The following B4GALNT3 variants were observed in gnomAD, a reference collection of about 807,000 sequenced individuals.
B4GALNT3 encodes beta-1,4-N-acetyl-galactosaminyltransferase 3.
Under a neutral mutation model 120.2 loss-of-function variants are expected in B4GALNT3, and 86 were observed. That is an observed-to-expected ratio of 0.72 (90% CI 0.60 to 0.86). The LOEUF is 0.86. Among genes scored for constraint, B4GALNT3 ranks in the 40% least tolerant of loss-of-function variants. The pLI, the probability that B4GALNT3 is intolerant of heterozygous loss-of-function variation, is 0.00. For missense variants in B4GALNT3, 1,167 were observed against 1,298.9 expected, an observed-to-expected ratio of 0.90 and a Z score of 1.56; for synonymous variants, 518 against 510.4, an observed-to-expected ratio of 1.01 and a Z score of -0.20.
chr12:535,163 C>T lies in B4GALNT3; in HGVS notation c.170-3C>T. 6.2e-7 allele frequency: 1 copy of T among 1,609,030 alleles called. No homozygotes were observed. The highest frequency in any genetic ancestry group is 8.5e-7 in the Non-Finnish European group (1 of 1,176,494). ...TGAGGGCTCCTCTCTTCCCCTTCCA[C>T]AGGGTACGGCAGCTGGAGAGAACTG... On this transcript the variant is annotated splice_region_variant and splice_polypyrimidine_tract_variant and intron_variant, in intron 1 of 19. Coordinates refer to ENST00000266383, the MANE Select transcript of B4GALNT3 (RefSeq NM_173593.4).
chr12:539,951 C>G (rs1196233771), intron 3 of B4GALNT3, among the ~76,000 whole-genome samples: 1 of 152,198 alleles, frequency 6.6e-6, no homozygotes, highest in Non-Finnish European at 1.5e-5. Context: ...TACCTCGAAA[C>G]TCTGAACAGG....
chr12:547,887 A>G (rs1248013574), intron 7 of B4GALNT3, 137 bp from the exon 8 acceptor site: 6 of 713,728 alleles, frequency 8.4e-6, no homozygotes, highest in South Asian at 5.0e-5. Context: ...GCTCGAACCT[A>G]GGCAGTTAAC....
At chr12:514,486 C>T (rs1946632606) in intron 1 of B4GALNT3, among the ~76,000 whole-genome samples, 1 of 152,022 alleles carries the variant, frequency 6.6e-6, no homozygotes, top group Admixed American at 6.5e-5. Flanking sequence ...CATGAGCCAC[C>T]ACGCCCAGCC....
chr12:547,168 GCGTTGCTGGA>G (rs1205837348), intron 7 of B4GALNT3, among the ~76,000 whole-genome samples: 126 of 152,268 alleles, frequency 8.3e-4, no homozygotes, highest in Middle Eastern at 3.4e-3. Context: ...GCGTTGCTGG[GCGTTGCTGGA>G]CGTTGCTGGA....
chr12:558,666 G>A lies in B4GALNT3; in HGVS notation c.2761+5G>A, dbSNP rs1204202160. 16 of 1,613,442 alleles carry A rather than the reference G, an allele frequency of 9.9e-6. No individual in the cohort carries two copies. Among genetic ancestry groups the A allele is most frequent in the Non-Finnish European group, 1.0e-5 (12 of 1,179,764 alleles). ...CCACCCCCCAGTGGCCTGAGGGTGA[G>A]CCCTGCTCAGACTGGGGAGGGAGGA... On this transcript the variant is annotated splice_donor_5th_base_variant and intron_variant, in intron 18 of 19. Transcript: ENST00000266383.
intron 1 of B4GALNT3, among the ~76,000 whole-genome samples, chr12:519,632 A>C (rs1946687105): frequency 7.2e-6 from 1 of 138,014 alleles, no homozygotes; most frequent in Non-Finnish European, 1.5e-5. Flanking sequence ...GATCAGAGTC[A>C]TCCATCCCAT....
chr12:538,834 G>A (rs894226798), intron 3 of B4GALNT3, among the ~76,000 whole-genome samples: 17 of 152,248 alleles, frequency 1.1e-4, no homozygotes, highest in African/African-American at 3.6e-4. Context: ...TTGCAGTCTC[G>A]CCACATTCTG....
At chr12:512,242 TCCA>T (rs1946586878) in intron 1 of B4GALNT3, among the ~76,000 whole-genome samples, 1 of 44,782 alleles carries the variant, frequency 2.2e-5, no homozygotes, top group African/African-American at 1.5e-4. Context: ...CCTTCCACCT[TCCA>T]CCTTCTTCCA....
intron 2 of B4GALNT3, among the ~76,000 whole-genome samples, 175 bp from the exon 3 acceptor site, chr12:536,043 C>G (rs1433004159): frequency 6.6e-6 from 1 of 152,184 alleles, no homozygotes; most frequent in East Asian, 1.9e-4. Flanking sequence ...TGAAGGAACC[C>G]GAGGAGCAGG....
chr12:501,834 GCTGTT>G (rs1227571916), intron 1 of B4GALNT3, among the ~76,000 whole-genome samples: 1 of 152,228 alleles, frequency 6.6e-6, no homozygotes, highest in Non-Finnish European at 1.5e-5. Flanking sequence ...TGGGAACCAT[GCTGTT>G]CTCTTGTCGG....
intron 3 of B4GALNT3, among the ~76,000 whole-genome samples, chr12:542,619 C>A (rs1472762823): frequency 6.6e-6 from 1 of 152,190 alleles, no homozygotes; most frequent in Non-Finnish European, 1.5e-5. Context: ...CCCCACACTT[C>A]CCCTCTCCTC....
Position 459,980 on chromosome 12 carries a change from C to T in B4GALNT3, c.-397C>T, listed in dbSNP as rs1330492585. Among the ~76,000 whole-genome samples the T allele has an allele frequency of 2.1e-5, 3 of 145,334 alleles. No homozygotes were observed. The highest frequency in any genetic ancestry group is 4.5e-5 in the Non-Finnish European group (3 of 66,178). ...AGAGCCCAGAGCCCGGAGCCCGGTC[C>T]GGGGCTGGCGGGGGCGCGGGCGGAG... On this transcript the variant is annotated 5_prime_UTR_variant, in exon 1 of 20. Coordinates refer to ENST00000266383, the MANE Select transcript of B4GALNT3 (RefSeq NM_173593.4).
intron 1 of B4GALNT3, among the ~76,000 whole-genome samples, chr12:488,164 C>A (rs566258977): frequency 5.8e-4 from 87 of 149,554 alleles, no homozygotes; most frequent in African/African-American, 1.5e-3. Context: ...AAAAAAAAAA[C>A]CCCATCAACC....
intron 1 of B4GALNT3, among the ~76,000 whole-genome samples, chr12:461,604 G>T (rs1032123635): frequency 2.6e-5 from 4 of 152,198 alleles, no homozygotes; most frequent in African/African-American, 9.6e-5. Context: ...CTTTCCTCCC[G>T]CTTTGGGGAA....
At chr12:513,856 G>A (rs957043794) in intron 1 of B4GALNT3, among the ~76,000 whole-genome samples, 9 of 152,182 alleles carry the variant, frequency 5.9e-5, no homozygotes, top group African/African-American at 1.9e-4. Context: ...CCCAAAGCAT[G>A]CGGATTACAG....
rs1946005633 is a variant in B4GALNT3 at position 460,187 on chromosome 12, A to C, written c.-190A>C. The stretch of plus-strand genomic sequence containing the variant: ...GGAGAGACCTGCTGGGCGCCCGCGC[A>C]GCCCGGAGACCCCTCGCGCCCGGAG... On this transcript the variant is annotated 5_prime_UTR_variant, in exon 1 of 20. Coordinates refer to ENST00000266383, the MANE Select transcript of B4GALNT3 (RefSeq NM_173593.4). This position sits in a 1 kb window ranked among gnomAD's most constrained non-coding sequence, Gnocchi z 8.0. Among the ~76,000 whole-genome samples, 1 of 150,408 alleles carries C rather than the reference A, an allele frequency of 6.6e-6. No individual in the cohort carries two copies. The highest frequency in any genetic ancestry group is 1.5e-5 in the Non-Finnish European group (1 of 67,266).
intron 14 of B4GALNT3, 34 bp downstream of exon 14, chr12:554,017 G>A (rs773767351): frequency 1.4e-6 from 2 of 1,479,090 alleles, no homozygotes; most frequent in Non-Finnish European, 1.9e-6. Context: ...GCCAGGGACT[G>A]GGGCACGTGG....
At chr12:499,642 CGTGG>C (rs1946421152) in intron 1 of B4GALNT3, among the ~76,000 whole-genome samples, 3 of 138,678 alleles carry the variant, frequency 2.2e-5, no homozygotes, top group Admixed American at 1.5e-4. Context: ...ACTCCTAGCC[CGTGG>C]AGCCCGTGCT....
At chr12:526,191 A>G (rs964112033) in intron 1 of B4GALNT3, among the ~76,000 whole-genome samples, 1 of 152,160 alleles carries the variant, frequency 6.6e-6, no homozygotes, top group Non-Finnish European at 1.5e-5. Context: ...TCTATGTATC[A>G]CAGCGGGTAG....
Sources: gnomAD v4.1 joint callset for allele counts (sites outside exome capture counted in the v4.1 genomes callset) on GRCh38, gnomAD v4.1.1 for gene constraint, Gnocchi (gnomAD v3.1) non-coding constraint, MANE v1.5 for transcripts, NCBI Gene and HGNC (gene_info 2026-07-23, HGNC 2026-07-21) for gene names.